PTPN23: variants seen among roughly 807,000 people sequenced by gnomAD.
The protein encoded by PTPN23 is protein tyrosine phosphatase non-receptor type 23, also known as tyrosine-protein phosphatase non-receptor type 23.
A neutral mutation model predicts 156.3 loss-of-function variants in PTPN23; 72 were observed. The ratio of observed to expected loss-of-function variants is 0.46; its 90% CI spans 0.38 to 0.56. PTPN23 has a LOEUF of 0.56. PTPN23 is among the 20% of genes least tolerant of loss of function. The pLI is 0.00. For missense variants in PTPN23, 1,974 were observed against 2,171.5 expected (o/e 0.91, Z 1.81); for synonymous variants, 957 against 899.6 (o/e 1.06, Z -1.14).
intron 1 of PTPN23, among the ~76,000 whole-genome samples, chr3:47,386,873 A>G (rs1704664499): frequency 6.6e-6 from 1 of 152,232 alleles, no homozygotes; most frequent in Non-Finnish European, 1.5e-5. Context: ...CCAGAGGCCT[A>G]TATCCATTTC....
intron 1 of PTPN23, among the ~76,000 whole-genome samples, chr3:47,395,447 C>T (rs1475375387): frequency 6.6e-6 from 1 of 152,194 alleles, no homozygotes; most frequent in Non-Finnish European, 1.5e-5. Context: ...ACAGGGGGCC[C>T]TTTGGGCTAA....
chr3:47,384,480 A>G (rs542071663), intron 1 of PTPN23, among the ~76,000 whole-genome samples: 1 of 141,304 alleles, frequency 7.1e-6, no homozygotes, highest in Non-Finnish European at 1.5e-5. Context: ...AAAAAAGAGT[A>G]GAAGTATTTG....
chr3:47,399,256 G>C (rs1342002759), intron 2 of PTPN23, among the ~76,000 whole-genome samples: 1 of 152,168 alleles, frequency 6.6e-6, no homozygotes, highest in Non-Finnish European at 1.5e-5. Flanking sequence ...ATGGGTGGCT[G>C]CTACTATGGT....
In PTPN23 at chr3:47,411,607, C is replaced by CTG. The variant is rs1292401879; in HGVS notation, c.3810_3811dup (p.Ala1271ValfsTer47). ...ACCCAGGCCCCACTGCCTGGCACAG[C>CTG]TGCTGACTTCTGGCTCATGGTCCAT... On this transcript the variant is annotated frameshift_variant, in exon 20 of 25. Coordinates refer to ENST00000265562, the MANE Select transcript of PTPN23 (RefSeq NM_015466.4). LOFTEE classifies it high-confidence loss of function. This position sits in a 1 kb window ranked among gnomAD's most constrained non-coding sequence, Gnocchi z 6.3. The CTG allele has an allele frequency of 6.2e-7, 1 of 1,612,328 alleles. No individual in the cohort carries two copies. The highest frequency in any genetic ancestry group is 8.5e-7 in the Non-Finnish European group (1 of 1,179,886).
At chr3:47,382,281 C>G (rs1449896001) in intron 1 of PTPN23, among the ~76,000 whole-genome samples, 1 of 151,894 alleles carries the variant, frequency 6.6e-6, no homozygotes, top group Non-Finnish European at 1.5e-5. Context: ...AACGGTTATC[C>G]AGACGTTGCT....
chr3:47,396,475 T>C (rs1704881892), intron 2 of PTPN23, among the ~76,000 whole-genome samples: 1 of 152,190 alleles, frequency 6.6e-6, no homozygotes, highest in Non-Finnish European at 1.5e-5. Context: ...CTCAGGAGTC[T>C]GAAGCAGGAT....
chr3:47,403,537 C>CT (rs956257230), intron 2 of PTPN23, among the ~76,000 whole-genome samples: 2 of 151,934 alleles, frequency 1.3e-5, no homozygotes, highest in Admixed American at 1.3e-4. Flanking sequence ...TTACCTTTTG[C>CT]TTTTTTTGAG....
chr3:47,407,620 T>G lies in PTPN23; in HGVS notation c.1003+36T>G. Reference sequence around the variant, plus strand: ...TGAGAGGTGGGGGCAGAGGTGACGGTGGGGTGGGGACAGGACACAGGAGGC... The same window carrying G: ...TGAGAGGTGGGGGCAGAGGTGACGGGGGGGTGGGGACAGGACACAGGAGGC... On this transcript the variant is annotated intron_variant, in intron 12 of 24. Coordinates refer to ENST00000265562, the MANE Select transcript of PTPN23 (RefSeq NM_015466.4). The surrounding 1 kb of genome is among the most constrained non-coding windows in gnomAD (Gnocchi z 4.0). 6.2e-7 allele frequency: 1 copy of G among 1,605,478 alleles called. No homozygotes were observed. Among genetic ancestry groups the G allele is most frequent in the South Asian group, 1.1e-5 (1 of 90,852 alleles).
At position 47,407,970 on chromosome 3, in the gene PTPN23, T is replaced by C. The variant is rs763941932; in HGVS notation, c.1184+15T>C. The C allele has an allele frequency of 2.5e-6, 4 of 1,612,778 alleles. No individual in the cohort carries two copies. In the South Asian group the frequency reaches 4.4e-5, roughly 18 times the overall value. On this transcript the variant is annotated intron_variant, in intron 14 of 24. Coordinates refer to ENST00000265562, the MANE Select transcript of PTPN23 (RefSeq NM_015466.4). This position sits in a 1 kb window ranked among gnomAD's most constrained non-coding sequence, Gnocchi z 4.0. ...GAGGTCCTGGAGTGAGTGTGGGACT[T>C]GGGCAGGGAGGCGGAGGCAGGCAGC...
Position 47,409,888 on chromosome 3 carries a change from A to G in PTPN23, c.2130-40A>G, listed in dbSNP as rs1559527411. 1.9e-6 allele frequency: 3 copies of G among 1,581,100 alleles called. No individual in the cohort carries two copies. In the South Asian group the frequency reaches 3.5e-5, roughly 18 times the overall value. On this transcript the variant is annotated intron_variant, in intron 19 of 24. Transcript: ENST00000265562. ...GCTCGGGTCCAGACAGGCTGGGGTG[A>G]TGGGAGCCTGGCCCCACTTTTTCCT...
At chr3:47,412,012 C>A (rs1188516977) in intron 21 of PTPN23, 45 bp downstream of exon 21, 2 of 1,606,314 alleles carry the variant, frequency 1.2e-6, no homozygotes, top group Admixed American at 3.4e-5. Flanking sequence ...TAAGTGCTGT[C>A]CAGTCCTTGG....
At position 47,409,786 on chromosome 3, in the gene PTPN23, A is replaced by G; in HGVS notation, c.2081A>G (p.Gln694Arg). The G allele has an allele frequency of 1.9e-6, 3 of 1,608,680 alleles. No individual in the cohort carries two copies. Among genetic ancestry groups the G allele is most frequent in the Non-Finnish European group, 2.5e-6 (3 of 1,179,410 alleles). ...GTGGCTGCTCTGCTGGAGCGCACGCAGTCCACCTGCCAGGCCCGCGAGGCT... is the reference window on the plus strand; with the variant it reads ...GTGGCTGCTCTGCTGGAGCGCACGCGGTCCACCTGCCAGGCCCGCGAGGCT... ...SKVAALLERT[Q>R]STCQAREAAR... The change falls in exon 19 of 25, where the codon CAG (glutamine) becomes CGG (arginine). Residue 694 changes from glutamine (Q) to arginine (R), a missense_variant. Transcript: ENST00000265562.
chr3:47,383,424 C>T (rs1474079265), intron 1 of PTPN23, among the ~76,000 whole-genome samples: 4 of 152,134 alleles, frequency 2.6e-5, no homozygotes, highest in African/African-American at 9.7e-5. Context: ...CTCTTAATTC[C>T]TTAACTCTTT....
At chr3:47,408,061 A>C (rs1239549847) in intron 14 of PTPN23, 106 bp downstream of exon 14, 14 of 1,370,066 alleles carry the variant, frequency 1.0e-5, no homozygotes, top group Admixed American at 3.9e-5. Flanking sequence ...GTCCATTCCA[A>C]ACAGGTTTCC....
At chr3:47,404,947 A>C in intron 3 of PTPN23, 58 bp from the exon 4 acceptor site, 2 of 1,605,724 alleles carry the variant, frequency 1.2e-6, no homozygotes, top group South Asian at 1.1e-5. Context: ...CCCCTTACCT[A>C]ATCTCAGGGC....
intron 2 of PTPN23, among the ~76,000 whole-genome samples, chr3:47,398,246 C>G (rs567867174): frequency 6.6e-6 from 1 of 152,246 alleles, no homozygotes; most frequent in African/African-American, 2.4e-5. Context: ...TTGCAGTGAG[C>G]CAAGATCGCA....
chr3:47,398,177 T>TA (rs760239771), intron 2 of PTPN23, among the ~76,000 whole-genome samples: 8 of 152,182 alleles, frequency 5.3e-5, no homozygotes, highest in Non-Finnish European at 1.0e-4. Flanking sequence ...CGCATGCCTG[T>TA]AATCCCAGCT....
chr3:47,409,956 C>T lies in PTPN23; in HGVS notation c.2158C>T (p.Pro720Ser). ...GCTGAAGAAGAAGCCGCCGCCACGG[C>T]CCACAGCCCCAAAGCCGCTGCTGCC... is the stretch of plus-strand genomic sequence containing the variant. The part of the protein sequence containing the change: ...RELKKKPPPR[P>S]TAPKPLLPRR... Residue 720 changes from proline to serine, a missense_variant, in exon 20 of 25, where the codon CCC becomes TCC. Physicochemically the swap from Pro to Ser is moderately conservative, Grantham distance 74. Transcript: ENST00000265562. 1 of 1,571,498 alleles carries T rather than the reference C, an allele frequency of 6.4e-7. No homozygotes were observed. Among genetic ancestry groups the T allele is most frequent in the Admixed American group, 1.9e-5 (1 of 52,064 alleles).
chr3:47,381,149 G>A lies in PTPN23; in HGVS notation c.53G>A (p.Gly18Asp). 1 of 1,593,132 alleles carries A rather than the reference G, an allele frequency of 6.3e-7. No homozygotes were observed. The highest frequency in any genetic ancestry group is 8.5e-7 in the Non-Finnish European group (1 of 1,170,392). Reference sequence around the variant, plus strand: ...ATCTGGCTGGACCTGAAGGAGGCCGGTGACTTTCACTTCCAGCCAGCTGTG... The same window carrying A: ...ATCTGGCTGGACCTGAAGGAGGCCGATGACTTTCACTTCCAGCCAGCTGTG... ...PMIWLDLKEA[G>D]DFHFQPAVKK... Residue 18 changes from glycine (G) to aspartate (D), a missense_variant, in exon 1 of 25, where the codon GGT becomes GAT. Gly to Asp is a moderately conservative substitution (Grantham distance 94, BLOSUM62 -1). Transcript: ENST00000265562.
Sources: gnomAD v4.1 joint callset for allele counts (sites outside exome capture counted in the v4.1 genomes callset) on GRCh38, gnomAD v4.1.1 for gene constraint, Gnocchi (gnomAD v3.1) non-coding constraint, MANE v1.5 for transcripts, NCBI Gene and HGNC (gene_info 2026-07-23, HGNC 2026-07-21) for gene names.